The following ARHGAP28 variants were observed in gnomAD, a reference collection of about 807,000 sequenced individuals.
ARHGAP28 encodes rho GTPase-activating protein 28.
In ARHGAP28, 56 loss-of-function variants were observed where a neutral mutation model predicts 90.7. The ratio of observed to expected loss-of-function variants is 0.62; its 90% CI spans 0.50 to 0.77. The LOEUF (loss-of-function observed/expected upper bound fraction) is 0.77. Among genes scored for constraint, ARHGAP28 ranks in the 30% least tolerant of loss-of-function variants. The pLI, the probability that ARHGAP28 is intolerant of heterozygous loss-of-function variation, is 0.00. For synonymous variants in ARHGAP28, 308 were observed against 323.3 expected (o/e 0.95, Z 0.51); for missense variants, 869 against 900.9 (o/e 0.96, Z 0.45).
At chr18:6,904,418 T>A (rs1326158615) in intron 16 of ARHGAP28, among the ~76,000 whole-genome samples, 1 of 151,926 alleles carries the variant, frequency 6.6e-6, no homozygotes, top group East Asian at 1.9e-4. Context: ...AAATAAAATT[T>A]AAAAAATAAA....
At chr18:6,751,607 A>G (rs1336461536) in intron 1 of ARHGAP28, among the ~76,000 whole-genome samples, 1 of 152,178 alleles carries the variant, frequency 6.6e-6, no homozygotes, top group Non-Finnish European at 1.5e-5. Context: ...TAGAAAGGCA[A>G]AATTCTCTGT....
intron 4 of ARHGAP28, 132 bp from the exon 5 acceptor site, chr18:6,859,676 A>T: frequency 1.1e-6 from 1 of 884,232 alleles, no homozygotes. Flanking sequence ...GTTGGATGCA[A>T]TTGTCCATGC....
chr18:6,776,856 G>A (rs985768299), intron 1 of ARHGAP28, among the ~76,000 whole-genome samples: 4 of 152,242 alleles, frequency 2.6e-5, no homozygotes, highest in African/African-American at 9.6e-5. Context: ...CTATTCAGCA[G>A]CCCAACTTAA....
At chr18:6,736,587 A>G (rs1468379460) in intron 1 of ARHGAP28, among the ~76,000 whole-genome samples, 2 of 151,830 alleles carry the variant, frequency 1.3e-5, no homozygotes, top group East Asian at 3.9e-4. Context: ...TTAAAAAAAA[A>G]AAATACAAAA....
intron 1 of ARHGAP28, among the ~76,000 whole-genome samples, chr18:6,818,562 G>A (rs1047784655): frequency 4.6e-5 from 7 of 152,252 alleles, no homozygotes; most frequent in Non-Finnish European, 8.8e-5. Context: ...GTTTATTATT[G>A]ATGAATGAGA....
chr18:6,752,363 A>T (rs1019248331), intron 1 of ARHGAP28, among the ~76,000 whole-genome samples: 15 of 152,198 alleles, frequency 9.9e-5, no homozygotes, highest in Admixed American at 5.9e-4. Context: ...GGGAACTCAG[A>T]CCCAAATCAA....
intron 2 of ARHGAP28, among the ~76,000 whole-genome samples, chr18:6,825,938 G>A (rs1371573490): frequency 6.6e-6 from 1 of 152,140 alleles, no homozygotes; most frequent in African/African-American, 2.4e-5. Context: ...TGTCTTTTTA[G>A]TATAATAATC....
chr18:6,806,758 C>A (rs1248647263), intron 1 of ARHGAP28, among the ~76,000 whole-genome samples: 1 of 151,932 alleles, frequency 6.6e-6, no homozygotes, highest in East Asian at 1.9e-4. Flanking sequence ...CATTTTCCTT[C>A]TGCTTGAAGG....
rs189087958 is a variant in ARHGAP28 at position 6,821,199 on chromosome 18, T to C, written c.123-3563T>C. On this transcript the variant is annotated intron_variant, in intron 1 of 17. Coordinates refer to ENST00000383472, the MANE Select transcript of ARHGAP28 (RefSeq NM_001366230.1). ...TGTGAATAGTAATAAAGATCTCTGG[T>C]ATCTACTAAAATATAGTATAAGTTA... 1.6e-3 allele frequency among the ~76,000 whole-genome samples: 247 copies of C among 152,318 alleles called. 1 individual carries two copies. The highest frequency in any genetic ancestry group is 2.8e-3 in the Non-Finnish European group (189 of 68,022).
chr18:6,841,190 T>TC (rs1170695647), intron 3 of ARHGAP28, among the ~76,000 whole-genome samples: 687 of 66,412 alleles, frequency 0.01, 21 homozygotes, highest in African/African-American at 0.038. Flanking sequence ...CCTCTCTCTC[T>TC]CTCTCTCTCT....
intron 14 of ARHGAP28, among the ~76,000 whole-genome samples, chr18:6,892,497 C>T (rs1265152941): frequency 3.9e-5 from 6 of 152,120 alleles, no homozygotes; most frequent in African/African-American, 9.7e-5. Context: ...TCCTTAGTTT[C>T]TTTAGAAACT....
chr18:6,828,142 A>G (rs567077583), intron 2 of ARHGAP28, among the ~76,000 whole-genome samples: 2 of 152,142 alleles, frequency 1.3e-5, no homozygotes, highest in Non-Finnish European at 2.9e-5. Context: ...CGCGGTTAGG[A>G]GCTGGAGACC....
At position 6,894,822 on chromosome 18, in the gene ARHGAP28, G is replaced by A. The variant is rs778363783; in HGVS notation, c.1849-13G>A. The A allele has an allele frequency of 1.9e-6, 3 of 1,613,126 alleles. No homozygotes were observed. The highest frequency in any genetic ancestry group is 1.1e-5 in the South Asian group (1 of 91,024). On this transcript the variant is annotated splice_polypyrimidine_tract_variant and intron_variant, in intron 14 of 17. Transcript: ENST00000383472. ...TTTCTCAACATTACTCCTAAAGACT[G>A]TGTTTCTTTTAGACTGCAAGCCCCA...
At chr18:6,776,680 A>G (rs923220945) in intron 1 of ARHGAP28, among the ~76,000 whole-genome samples, 5 of 152,182 alleles carry the variant, frequency 3.3e-5, no homozygotes, top group Non-Finnish European at 5.9e-5. Context: ...AATAGGTAAC[A>G]CATCTTAGTT....
At chr18:6,909,911 A>G (rs1312273078) in intron 17 of ARHGAP28, among the ~76,000 whole-genome samples, 1 of 152,012 alleles carries the variant, frequency 6.6e-6, no homozygotes, top group Admixed American at 6.6e-5. Context: ...TAGCATTTCC[A>G]TCTGCATTTT....
chr18:6,823,815 T>G (rs2056642327), intron 1 of ARHGAP28, among the ~76,000 whole-genome samples: 1 of 152,168 alleles, frequency 6.6e-6, no homozygotes, highest in Non-Finnish European at 1.5e-5. Context: ...TGGCATGATC[T>G]CAGCTCACTG....
At chr18:6,801,902 A>AC (rs1364184896) in intron 1 of ARHGAP28, among the ~76,000 whole-genome samples, 2 of 152,040 alleles carry the variant, frequency 1.3e-5, no homozygotes, top group African/African-American at 4.8e-5. Flanking sequence ...CCATTAATTA[A>AC]CCTCTCTTCA....
intron 14 of ARHGAP28, among the ~76,000 whole-genome samples, chr18:6,893,451 AC>A: frequency 1.3e-5 from 2 of 152,322 alleles, no homozygotes; most frequent in Middle Eastern, 3.4e-3. Context: ...AAGAGTCAAT[AC>A]TGACAGTTTT....
intron 1 of ARHGAP28, among the ~76,000 whole-genome samples, chr18:6,777,427 C>A (rs1296135358): frequency 6.6e-6 from 1 of 152,042 alleles, no homozygotes; most frequent in African/African-American, 2.4e-5. Context: ...AGCAATTAGC[C>A]CAAAGATTTG....
Sources: gnomAD v4.1 joint callset for allele counts (sites outside exome capture counted in the v4.1 genomes callset) on GRCh38, gnomAD v4.1.1 for gene constraint, MANE v1.5 for transcripts, NCBI Gene and HGNC (gene_info 2026-07-23, HGNC 2026-07-21) for gene names.